The following FBLN1 variants were observed in gnomAD, a reference collection of about 807,000 sequenced individuals.
The protein encoded by FBLN1 is fibulin-1.
A neutral mutation model predicts 89.7 loss-of-function variants in FBLN1; 34 were observed. The observed-to-expected ratio is 0.38, with a 90% confidence interval of 0.29 to 0.50. The LOEUF (loss-of-function observed/expected upper bound fraction) is 0.50, where lower values mean the gene tolerates loss of function less well. FBLN1 is among the 20% of genes least tolerant of loss of function. The probability of loss-of-function intolerance (pLI) is 0.92; values close to 1 mark genes in which losing one functional copy is unlikely to be tolerated. For synonymous variants in FBLN1, 393 were observed against 391.3 expected (o/e 1.00, Z -0.05); for missense variants, 777 against 988.1 (o/e 0.79, Z 2.86).
At chr22:45,542,334 G>T in intron 10 of FBLN1, 51 bp downstream of exon 10, 1 of 1,611,028 alleles carries the variant, frequency 6.2e-7, no homozygotes, top group South Asian at 1.1e-5. Context: ...CGTGGCACCA[G>T]GGACACATTT....
intron 4 of FBLN1, 114 bp downstream of exon 4, chr22:45,528,123 G>GT: frequency 7.9e-7 from 1 of 1,268,988 alleles, no homozygotes; most frequent in Non-Finnish European, 1.1e-6. Context: ...TGTGATCGTG[G>GT]GGCTGGCAAG....
chr22:45,524,181 G>C (rs1231925669), intron 2 of FBLN1, among the ~76,000 whole-genome samples: 1 of 152,228 alleles, frequency 6.6e-6, no homozygotes, highest in Non-Finnish European at 1.5e-5. Context: ...ACTGGCAGCT[G>C]CCATTTTTGT....
rs751448334 is a variant in FBLN1 at position 45,518,690 on chromosome 22, G to A, written c.88G>A (p.Asp30Asn). ...TTCTCTTCCCTGCACAGTGGACGCG[G>A]ATGTCCTCCTGGAGGCCTGCTGTGC... Reference protein sequence around the residue: ...LALLAAGVDADVLLEACCADG... With the variant: ...LALLAAGVDANVLLEACCADG... Residue 30 changes from aspartate (D) to asparagine (N), a missense_variant, in exon 2 of 17, where the codon GAT (aspartate) becomes AAT (asparagine). Physicochemically the swap from Asp to Asn is conservative, Grantham distance 23. Transcript: ENST00000327858. The A allele has an allele frequency of 6.2e-7, 1 of 1,605,336 alleles. No homozygotes were observed. The highest frequency in any genetic ancestry group is 1.3e-5 in the African/African-American group (1 of 74,766).
intron 16 of FBLN1, among the ~76,000 whole-genome samples, chr22:45,596,949 TTA>T (rs2089192731): frequency 6.7e-6 from 1 of 149,062 alleles, no homozygotes; most frequent in African/African-American, 2.4e-5. Flanking sequence ...TGTATAATAG[TTA>T]TATATCATAT....
chr22:45,546,538 T>A (rs780068435), intron 11 of FBLN1, among the ~76,000 whole-genome samples: 1 of 152,236 alleles, frequency 6.6e-6, no homozygotes, highest in African/African-American at 2.4e-5. Context: ...TAAAACTTTA[T>A]TTATAAAAAC....
chr22:45,513,069 G>T (rs771395300), intron 1 of FBLN1, among the ~76,000 whole-genome samples: 1 of 152,198 alleles, frequency 6.6e-6, no homozygotes, highest in Non-Finnish European at 1.5e-5. Flanking sequence ...TCAAACTGCT[G>T]TACAGAACAT....
intron 14 of FBLN1, among the ~76,000 whole-genome samples, chr22:45,552,789 G>A (rs779703660): frequency 9.9e-5 from 15 of 152,212 alleles, no homozygotes; most frequent in Non-Finnish European, 2.1e-4. Context: ...GCAAACCACA[G>A]GGCTCGGCCT....
chr22:45,554,569 G>A (rs989962472), intron 14 of FBLN1, among the ~76,000 whole-genome samples: 2 of 152,230 alleles, frequency 1.3e-5, no homozygotes, highest in Admixed American at 6.5e-5. Context: ...GAAAGAGGAG[G>A]TAAAAGGAGA....
chr22:45,548,727 A>C lies in FBLN1; in HGVS notation c.1556A>C (p.Asn519Thr). 1 of 1,613,248 alleles carries C rather than the reference A, an allele frequency of 6.2e-7. No individual in the cohort carries two copies. Among genetic ancestry groups the C allele is most frequent in the East Asian group, 2.2e-5 (1 of 44,870 alleles). The change falls in exon 13 of 17, where the codon AAT becomes ACT. Residue 519 changes from asparagine (N) to threonine (T), a missense_variant. Physicochemically the swap from Asn to Thr is moderately conservative, Grantham distance 65. Coordinates refer to ENST00000327858, the MANE Select transcript of FBLN1 (RefSeq NM_006486.3). ...CPSSGYRLAP[N>T]GRNCQDIDEC... ...TCGTCTGGCTACAGGCTGGCCCCCAATGGCCGCAACTGCCAAGGTGAGCAG... is the reference window on the plus strand; with the variant it reads ...TCGTCTGGCTACAGGCTGGCCCCCACTGGCCGCAACTGCCAAGGTGAGCAG...
At chr22:45,543,827 T>G (rs960004177) in intron 11 of FBLN1, among the ~76,000 whole-genome samples, 5 of 152,156 alleles carry the variant, frequency 3.3e-5, no homozygotes, top group African/African-American at 1.2e-4. Flanking sequence ...TCACAGGGCC[T>G]TGGTTATGCC....
At chr22:45,546,240 C>T (rs756134271) in intron 11 of FBLN1, among the ~76,000 whole-genome samples, 7 of 151,806 alleles carry the variant, frequency 4.6e-5, no homozygotes, top group Admixed American at 1.3e-4. Context: ...TATTTTGAGA[C>T]GGAGTCTCGC....
chr22:45,576,279 G>A lies in FBLN1; in HGVS notation c.1841-698G>A, dbSNP rs1238199549. ...CAGTGGCTGGTTTTGTGGCCTCTCC[G>A]GCCAGCCCCGATCTGAGTGTTGGTT... On this transcript the variant is annotated intron_variant, in intron 15 of 16. Coordinates refer to ENST00000327858, the MANE Select transcript of FBLN1 (RefSeq NM_006486.3). This position sits in a 1 kb window ranked among gnomAD's most constrained non-coding sequence, Gnocchi z 5.2. Among the ~76,000 whole-genome samples, 9 of 152,112 alleles carry A rather than the reference G, an allele frequency of 5.9e-5. No homozygotes were observed. The highest frequency in any genetic ancestry group is 1.4e-4 in the African/African-American group (6 of 41,406).
chr22:45,563,314 C>G lies in FBLN1; in HGVS notation c.1698-11197C>G, dbSNP rs767391464. The G allele has an allele frequency of 1.2e-6, 2 of 1,612,098 alleles. No homozygotes were observed. The highest frequency in any genetic ancestry group is 1.7e-6 in the Non-Finnish European group (2 of 1,179,912). On this transcript the variant is annotated intron_variant, in intron 14 of 16. Transcript: ENST00000327858. This position sits in a 1 kb window ranked among gnomAD's most constrained non-coding sequence, Gnocchi z 5.7. ...TCTCCCTCCTGTTGCTTTCCTAACC[C>G]TGCCCTCCGGGGCGTTAATAAAGTC...
rs142300560 is a variant in FBLN1, at chr22:45,518,511, G to C, written c.80-171G>C. ...AGGAGTGGGGTGTGGACTCGCAGCTGGGGTCTGGTGGGGTTTTCAGTACTG... is the reference window on the plus strand; with the variant it reads ...AGGAGTGGGGTGTGGACTCGCAGCTCGGGTCTGGTGGGGTTTTCAGTACTG... On this transcript the variant is annotated intron_variant, in intron 1 of 16. Transcript: ENST00000327858. 2.0e-3 allele frequency: 1,356 copies of C among 662,810 alleles called. 14 individuals are homozygous for C. The African/African-American group carries it at 0.021, about 10-fold the overall frequency. The allele number at this position is 662,810 out of a possible 1,614,324, so 41.1% of individuals were successfully genotyped here. A position where few individuals can be genotyped will look rare whatever the true frequency, so the allele number is the denominator to read the frequency against.
intron 14 of FBLN1, among the ~76,000 whole-genome samples, chr22:45,555,073 A>G (rs9614700): frequency 0.094 from 12,888 of 136,584 alleles, 2,830 homozygotes; most frequent in African/African-American, 0.37. Flanking sequence ...GCAGGAGGTT[A>G]GGACCCGTCC....
At chr22:45,546,277 G>A (rs1386326064) in intron 11 of FBLN1, among the ~76,000 whole-genome samples, 2 of 152,164 alleles carry the variant, frequency 1.3e-5, no homozygotes, top group Admixed American at 6.5e-5. Context: ...GAGTGCAGTG[G>A]TGTGATCTTG....
rs1433016830 is a variant in FBLN1, at chr22:45,557,339, C to T, written c.1697+6724C>T. ...TGTCTATTCCGGTGAGGACAAACCT[C>T]TGCCATTTCCATGATGGAAGAGGTC... On this transcript the variant is annotated intron_variant, in intron 14 of 16. Transcript: ENST00000327858. This position sits in a 1 kb window ranked among gnomAD's most constrained non-coding sequence, Gnocchi z 4.9. Among the ~76,000 whole-genome samples the T allele has an allele frequency of 6.6e-6, 1 of 152,330 alleles. No individual in the cohort carries two copies. Among genetic ancestry groups the T allele is most frequent in the African/African-American group, 2.4e-5 (1 of 41,578 alleles).
At chr22:45,503,748 G>T (rs56187421) in intron 1 of FBLN1, among the ~76,000 whole-genome samples, 3 of 152,100 alleles carry the variant, frequency 2.0e-5, no homozygotes, top group African/African-American at 7.2e-5. Context: ...TGCTCAGCGG[G>T]GACTGGGGAC....
chr22:45,550,737 C>A lies in FBLN1; in HGVS notation c.1697+122C>A. On this transcript the variant is annotated intron_variant, in intron 14 of 16. Transcript: ENST00000327858. The surrounding 1 kb of genome is among the most constrained non-coding windows in gnomAD (Gnocchi z 8.4). The stretch of plus-strand genomic sequence containing the variant: ...GTCCTCCCATGAGGGACTCAGGGCA[C>A]TCAAAGATCACCTGATCCCTGGCCC... 1 of 1,391,370 alleles carries A rather than the reference C, an allele frequency of 7.2e-7. No individual in the cohort carries two copies. The highest frequency in any genetic ancestry group is 1.0e-6 in the Non-Finnish European group (1 of 984,842). The allele number at this position is 1,391,370 out of a possible 1,614,324, so 86.2% of individuals were successfully genotyped here.
Sources: gnomAD v4.1 joint callset for allele counts (sites outside exome capture counted in the v4.1 genomes callset) on GRCh38, gnomAD v4.1.1 for gene constraint, Gnocchi (gnomAD v3.1) non-coding constraint, MANE v1.5 for transcripts, NCBI Gene and HGNC (gene_info 2026-07-23, HGNC 2026-07-21) for gene names.